The following TEX11 variants were observed in gnomAD, a reference collection of about 807,000 sequenced individuals.
TEX11 encodes testis expressed 11.
TEX11 carries 7 observed loss-of-function variants against 84.4 expected under a neutral mutation model. That is an observed-to-expected ratio of 0.08 (90% CI 0.05 to 0.16). TEX11 has a LOEUF of 0.16. Among genes scored for constraint, TEX11 ranks in the 10% least tolerant of loss-of-function variants. TEX11 has a pLI of 1.00. For missense variants in TEX11, 551 were observed against 660.5 expected, an observed-to-expected ratio of 0.83 and a Z score of 1.82; for synonymous variants, 264 against 222.8, an observed-to-expected ratio of 1.18 and a Z score of -1.64.
At chrX:70,599,496 T>C (rs760686902) in intron 24 of TEX11, among the ~76,000 whole-genome samples, 1 of 100,005 alleles carries the variant, frequency 1.0e-5, no homozygotes, top group South Asian at 5.2e-4. Context: ...AGCAGATGTA[T>C]ACAACAGAAA....
At chrX:70,833,161 T>A (rs950647399) in intron 8 of TEX11, among the ~76,000 whole-genome samples, 5 of 107,856 alleles carry the variant, frequency 4.6e-5, no homozygotes, top group Non-Finnish European at 9.6e-5. Flanking sequence ...TCCCAGCTAC[T>A]CAGGAGGCTG....
intron 17 of TEX11, among the ~76,000 whole-genome samples, chrX:70,646,402 C>T (rs1158409876): frequency 8.9e-6 from 1 of 111,975 alleles, no homozygotes; most frequent in Non-Finnish European, 1.9e-5. Context: ...AAAAAGCTTC[C>T]ACACAGCAAA....
chrX:70,601,701 G>T (rs2089116255), intron 24 of TEX11, among the ~76,000 whole-genome samples: 1 of 100,337 alleles, frequency 1.0e-5, no homozygotes, highest in Non-Finnish European at 2.0e-5. Flanking sequence ...CAGTGTTTGT[G>T]TCCCTGGGTA....
chrX:70,592,962 T>C (rs2088953086), intron 24 of TEX11, among the ~76,000 whole-genome samples: 1 of 110,459 alleles, frequency 9.1e-6, no homozygotes, highest in Non-Finnish European at 1.9e-5. Flanking sequence ...GAGAGAAGTA[T>C]GTGAAGAGAC....
In TEX11 at chrX:70,601,933, C is replaced by A. The variant is rs192495303; in HGVS notation, c.2067+3468G>T. Among the ~76,000 whole-genome samples, 17 of 111,294 alleles carry A rather than the reference C, an allele frequency of 1.5e-4. No individual in the cohort carries two copies. The East Asian group carries it at 3.7e-3, about 24-fold the overall frequency. ...CAAAATGAAAAGTCTCCCATGTCCA[C>A]TTCTATCCACACAGACCCGGCAACC... On this transcript the variant is annotated intron_variant, in intron 24 of 29. Transcript: ENST00000374333.
intron 25 of TEX11, among the ~76,000 whole-genome samples, chrX:70,570,205 C>A (rs191738636): frequency 2.7e-5 from 3 of 111,885 alleles, no homozygotes; most frequent in Admixed American, 1.9e-4. Context: ...TAGGACCCTA[C>A]GAGCCAGGTG....
intron 13 of TEX11, among the ~76,000 whole-genome samples, chrX:70,719,536 A>G (rs940835296): frequency 1.1e-4 from 12 of 112,123 alleles, no homozygotes; most frequent in Non-Finnish European, 2.1e-4. Context: ...CAGTTAAACT[A>G]AAGAGCTTCT....
intron 9 of TEX11, among the ~76,000 whole-genome samples, chrX:70,754,649 C>T (rs372406021): frequency 1.8e-5 from 2 of 110,908 alleles, no homozygotes; most frequent in African/African-American, 6.6e-5. Flanking sequence ...TTGGGTGAGA[C>T]CCAGTGCTGT....
intron 13 of TEX11, among the ~76,000 whole-genome samples, chrX:70,694,899 A>C (rs769135017): frequency 8.1e-5 from 9 of 111,310 alleles, no homozygotes; most frequent in Non-Finnish European, 1.7e-4. Context: ...CACTCTCCTC[A>C]GAACTGATTC....
At chrX:70,775,749 G>A (rs868678197) in intron 9 of TEX11, among the ~76,000 whole-genome samples, 1 of 86,421 alleles carries the variant, frequency 1.2e-5, no homozygotes, top group Admixed American at 1.7e-4. Flanking sequence ...GCAGTGAGCC[G>A]AGATCACGCC....
At chrX:70,664,125 A>G (rs2089956260) in intron 16 of TEX11, among the ~76,000 whole-genome samples, 1 of 112,099 alleles carries the variant, frequency 8.9e-6, no homozygotes. Flanking sequence ...TACTTCAGAT[A>G]TATTCTAACC....
intron 7 of TEX11, among the ~76,000 whole-genome samples, chrX:70,835,886 C>T (rs2091402424): frequency 1.8e-5 from 2 of 110,922 alleles, no homozygotes; most frequent in South Asian, 7.6e-4. Context: ...CCAAGGTAGA[C>T]TGATCACCTG....
intron 7 of TEX11, among the ~76,000 whole-genome samples, chrX:70,851,099 A>G (rs2091506017): frequency 8.9e-6 from 1 of 111,826 alleles, no homozygotes; most frequent in Non-Finnish European, 1.9e-5. Flanking sequence ...AGCTGATCCT[A>G]ACATTCATAT....
chrX:70,626,459 A>G (rs1212145493), intron 18 of TEX11, among the ~76,000 whole-genome samples: 1 of 109,667 alleles, frequency 9.1e-6, no homozygotes, highest in African/African-American at 3.3e-5. Context: ...TATTACCCTG[A>G]CTCCAGCAAT....
At chrX:70,563,825 T>G (rs889324798) in intron 25 of TEX11, among the ~76,000 whole-genome samples, 2 of 112,687 alleles carry the variant, frequency 1.8e-5, no homozygotes, top group Non-Finnish European at 3.7e-5. Context: ...CATTTTTGAA[T>G]GTTGAATTCC....
At position 70,629,681 on chromosome X, in the gene TEX11, T is replaced by C. The variant is rs748403753; in HGVS notation, c.1538A>G (p.Asp513Gly). The change falls in exon 18 of 30, where the codon GAT (aspartate) becomes GGT (glycine). Residue 513 changes from aspartate (D) to glycine (G), a missense_variant. Transcript: ENST00000374333. ...ACCTCTCTCTGCAACTAGATCATTA[T>C]CTTCTGACTCTTCATCTGTTAATAT... ...ENILTDEESEDNDLVAERGSP... is the reference protein window; with the variant it reads ...ENILTDEESEGNDLVAERGSP... 3.4e-6 allele frequency: 4 copies of C among 1,190,530 alleles called. No individual in the cohort carries two copies. In the South Asian group the frequency reaches 7.2e-5, roughly 21 times the overall value.
intron 4 of TEX11, among the ~76,000 whole-genome samples, chrX:70,866,107 A>T (rs1472109377): frequency 9.0e-6 from 1 of 111,516 alleles, no homozygotes; most frequent in African/African-American, 3.3e-5. Context: ...CCAGGAGCTG[A>T]TTTTCTGAAA....
At chrX:70,634,284 G>A (rs757548650) in intron 17 of TEX11, among the ~76,000 whole-genome samples, 5 of 111,916 alleles carry the variant, frequency 4.5e-5, no homozygotes, top group Non-Finnish European at 7.5e-5. Context: ...TTGTTAAGAT[G>A]TCAGTTATCC....
chrX:70,754,287 G>A (rs989582740), intron 9 of TEX11, among the ~76,000 whole-genome samples: 2 of 111,456 alleles, frequency 1.8e-5, no homozygotes, highest in African/African-American at 6.5e-5. Flanking sequence ...TAAGGAAACA[G>A]TGGTCAGCAG....
Sources: allele counts gnomAD v4.1 joint callset (sites outside exome capture counted in the v4.1 genomes callset), GRCh38; gene constraint gnomAD v4.1.1; transcripts MANE v1.5; gene names NCBI Gene and HGNC (gene_info 2026-07-23, HGNC 2026-07-21).